ULK4: variants seen among roughly 807,000 people sequenced by gnomAD.
ULK4 encodes inactive serine/threonine-protein kinase ULK4.
Under a neutral mutation model 160.6 loss-of-function variants are expected in ULK4, and 133 were observed. The ratio of observed to expected loss-of-function variants is 0.83; its 90% confidence interval spans 0.72 to 0.96. ULK4 has a LOEUF of 0.96. Ranked by LOEUF, ULK4 falls within the 40% of genes least tolerant of loss-of-function variation. The pLI, the probability that ULK4 is intolerant of heterozygous loss-of-function variation, is 0.00. For missense variants in ULK4, 1,580 were observed against 1,499.5 expected (o/e 1.05, Z -0.89); for synonymous variants, 534 against 539.8 (o/e 0.99, Z 0.15).
At chr3:41,660,217 C>T (rs112347567) in intron 30 of ULK4, among the ~76,000 whole-genome samples, 2,636 of 152,126 alleles carry the variant, frequency 0.017, 47 homozygotes, top group Non-Finnish European at 0.027. Flanking sequence ...ATAGCTTGAA[C>T]CCAGGAAGCG....
At chr3:41,902,678 G>GAA (rs141675414) in intron 12 of ULK4, among the ~76,000 whole-genome samples, 4 of 145,108 alleles carry the variant, frequency 2.8e-5, no homozygotes, top group Non-Finnish European at 6.1e-5. Context: ...TTCAATTAAA[G>GAA]AAAAAAAAAG....
chr3:41,432,481 T>C (rs1160187952), intron 34 of ULK4, among the ~76,000 whole-genome samples: 1 of 152,202 alleles, frequency 6.6e-6, no homozygotes, highest in Non-Finnish European at 1.5e-5. Flanking sequence ...CTTGGGGAAC[T>C]ATACCAGAAC....
chr3:41,732,756 A>G (rs2037876218), intron 22 of ULK4, among the ~76,000 whole-genome samples: 1 of 152,178 alleles, frequency 6.6e-6, no homozygotes, highest in African/African-American at 2.4e-5. Flanking sequence ...AAATAAAGAA[A>G]ATGTGGTAAG....
intron 35 of ULK4, among the ~76,000 whole-genome samples, chr3:41,305,663 G>C (rs1385916193): frequency 6.8e-6 from 1 of 147,346 alleles, no homozygotes; most frequent in Non-Finnish European, 1.5e-5. Context: ...AGTGAGGAGC[G>C]TCTCTGCCTG....
At chr3:41,380,779 C>T (rs138311180) in intron 35 of ULK4, among the ~76,000 whole-genome samples, 3 of 152,294 alleles carry the variant, frequency 2.0e-5, no homozygotes, top group Non-Finnish European at 2.9e-5. Context: ...ATCTTTACCC[C>T]TCCTCTTGAA....
intron 32 of ULK4, among the ~76,000 whole-genome samples, chr3:41,531,524 G>GAAAAAAA (rs60703381): frequency 7.1e-6 from 1 of 140,834 alleles, no homozygotes; most frequent in African/African-American, 2.6e-5. Flanking sequence ...AAAAGAAAAA[G>GAAAAAAA]AAAAAAAAAA....
chr3:41,833,929 T>C (rs2041677376), intron 18 of ULK4, among the ~76,000 whole-genome samples: 1 of 152,100 alleles, frequency 6.6e-6, no homozygotes, highest in Non-Finnish European at 1.5e-5. Flanking sequence ...AGTGTATAAC[T>C]ATTGAGTGAA....
chr3:41,925,436 C>T (rs530435593), intron 5 of ULK4, among the ~76,000 whole-genome samples: 40 of 152,308 alleles, frequency 2.6e-4, no homozygotes, highest in Admixed American at 8.5e-4. Flanking sequence ...CTGGTGCCTA[C>T]GCCACCAGGG....
At chr3:41,577,482 T>A (rs1270942781) in intron 31 of ULK4, among the ~76,000 whole-genome samples, 3 of 152,192 alleles carry the variant, frequency 2.0e-5, no homozygotes, top group Non-Finnish European at 4.4e-5. Flanking sequence ...GTGTCACAAA[T>A]AATCCAATTA....
At chr3:41,503,595 C>T (rs866538092) in intron 32 of ULK4, among the ~76,000 whole-genome samples, 1 of 152,292 alleles carries the variant, frequency 6.6e-6, no homozygotes, top group Middle Eastern at 3.4e-3. Context: ...TCAGCTCTAG[C>T]TCTGCATGGT....
At chr3:41,549,108 A>C (rs922269591) in intron 32 of ULK4, among the ~76,000 whole-genome samples, 17 of 152,224 alleles carry the variant, frequency 1.1e-4, no homozygotes, top group African/African-American at 4.1e-4. Flanking sequence ...AGATGCATCG[A>C]TATCAACATA....
At chr3:41,809,618 T>C (rs187783477) in intron 19 of ULK4, among the ~76,000 whole-genome samples, 106 of 152,336 alleles carry the variant, frequency 7.0e-4, no homozygotes, top group African/African-American at 2.4e-3. Flanking sequence ...TCCCCTGCTC[T>C]GCAGTGTCAC....
At chr3:41,709,022 T>C (rs2036999739) in intron 25 of ULK4, among the ~76,000 whole-genome samples, 1 of 152,218 alleles carries the variant, frequency 6.6e-6, no homozygotes, top group Non-Finnish European at 1.5e-5. Flanking sequence ...CACATACATG[T>C]TATAGATACA....
At chr3:41,646,183 T>G (rs1033168516) in intron 30 of ULK4, among the ~76,000 whole-genome samples, 1 of 152,176 alleles carries the variant, frequency 6.6e-6, no homozygotes, top group Non-Finnish European at 1.5e-5. Flanking sequence ...GGGCATTTAG[T>G]CCATTTACAT....
intron 2 of ULK4, among the ~76,000 whole-genome samples, chr3:41,952,947 A>T (rs1391915907): frequency 6.6e-6 from 1 of 152,200 alleles, no homozygotes; most frequent in Non-Finnish European, 1.5e-5. Context: ...TGGGTGAAAT[A>T]AGCCAGACAA....
chr3:41,848,917 C>G (rs1559604787), intron 17 of ULK4, among the ~76,000 whole-genome samples: 1 of 152,212 alleles, frequency 6.6e-6, no homozygotes, highest in Admixed American at 6.5e-5. Flanking sequence ...TCCCAGCCCC[C>G]TTAGAGTCAG....
chr3:41,357,751 G>A (rs369916144), intron 35 of ULK4, among the ~76,000 whole-genome samples: 3 of 152,088 alleles, frequency 2.0e-5, no homozygotes, highest in South Asian at 2.1e-4. Context: ...TCCCACTTAC[G>A]CTGTACCTCC....
intron 21 of ULK4, among the ~76,000 whole-genome samples, chr3:41,764,424 T>C (rs1455260597): frequency 1.3e-5 from 2 of 152,084 alleles, no homozygotes; most frequent in Non-Finnish European, 2.9e-5. Flanking sequence ...ATCTCATTAA[T>C]AAACAGGAAC....
At chr3:41,731,019 G>C (rs545408287) in intron 22 of ULK4, among the ~76,000 whole-genome samples, 1 of 152,028 alleles carries the variant, frequency 6.6e-6, no homozygotes, top group East Asian at 1.9e-4. Context: ...GGCATAGAAG[G>C]AATGTTTGTA....
Sources: gnomAD v4.1 joint callset for allele counts (sites outside exome capture counted in the v4.1 genomes callset) on GRCh38, gnomAD v4.1.1 for gene constraint, MANE v1.5 for transcripts, NCBI Gene and HGNC (gene_info 2026-07-23, HGNC 2026-07-21) for gene names.